The following AEBP2 variants were observed in gnomAD, a reference collection of about 807,000 sequenced individuals.
AEBP2 encodes the protein AE binding protein 2.
A neutral mutation model predicts 50.8 loss-of-function variants in AEBP2; 10 were observed. The observed-to-expected ratio is 0.20, with a 90% CI of 0.12 to 0.33. The LOEUF is 0.33. Ranked by LOEUF, AEBP2 falls within the 10% of genes least tolerant of loss-of-function variation. The pLI is 1.00. For missense variants in AEBP2, 570 were observed against 688.0 expected (o/e 0.83, Z 1.92); for synonymous variants, 296 against 261.3 (o/e 1.13, Z -1.28).
intron 1 of AEBP2, among the ~76,000 whole-genome samples, chr12:19,404,370 C>T (rs2095734939): frequency 6.6e-6 from 1 of 152,194 alleles, no homozygotes; most frequent in African/African-American, 2.4e-5. Flanking sequence ...GCCTGGGTTG[C>T]CCAGCTCTTT....
At chr12:19,461,311 A>AT (rs577426439) in intron 1 of AEBP2, among the ~76,000 whole-genome samples, 32 of 152,320 alleles carry the variant, frequency 2.1e-4, no homozygotes, top group Admixed American at 7.2e-4. Context: ...AAAAAAGAAA[A>AT]TAAGTGAATT....
chr12:19,485,736 C>T (rs1948798800), intron 3 of AEBP2, among the ~76,000 whole-genome samples: 1 of 149,654 alleles, frequency 6.7e-6, no homozygotes, highest in Admixed American at 6.7e-5. Flanking sequence ...AAAAGCAGGC[C>T]TCTATACTCA....
chr12:19,478,230 G>C (rs1398634570), intron 3 of AEBP2, among the ~76,000 whole-genome samples: 2 of 152,062 alleles, frequency 1.3e-5, no homozygotes, highest in Admixed American at 6.6e-5. Context: ...TTTGGGTTTT[G>C]TTTGTTCTTT....
chr12:19,462,376 A>G (rs1015031761), intron 1 of AEBP2, 134 bp from the exon 2 acceptor site: 4 of 720,934 alleles, frequency 5.5e-6, no homozygotes, highest in Admixed American at 2.9e-5. Context: ...TTGTTTTCTC[A>G]TGGAGAATAT....
chr12:19,446,393 C>G (rs1444500612), intron 1 of AEBP2, among the ~76,000 whole-genome samples: 1 of 152,104 alleles, frequency 6.6e-6, no homozygotes, highest in South Asian at 2.1e-4. Flanking sequence ...GGGAGGATCC[C>G]TTGAGCCTAG....
At chr12:19,409,484 C>T (rs2095738149) in intron 1 of AEBP2, among the ~76,000 whole-genome samples, 1 of 152,074 alleles carries the variant, frequency 6.6e-6, no homozygotes, top group Non-Finnish European at 1.5e-5. Flanking sequence ...AAATGGCTTC[C>T]ACATTCCACA....
At chr12:19,513,300 G>A (rs528541868) in intron 6 of AEBP2, among the ~76,000 whole-genome samples, 38 of 149,992 alleles carry the variant, frequency 2.5e-4, no homozygotes, top group African/African-American at 8.3e-4. Flanking sequence ...CCCATTTAGA[G>A]CTTAGTTCAT....
intron 5 of AEBP2, 85 bp downstream of exon 5, chr12:19,500,306 TAAGA>T (rs1949048950): frequency 8.1e-7 from 1 of 1,237,708 alleles, no homozygotes; most frequent in Admixed American, 3.7e-5. Flanking sequence ...TCTCAAAATC[TAAGA>T]AAGTACAATT....
At chr12:19,473,854 T>G (rs1948609539) in intron 3 of AEBP2, among the ~76,000 whole-genome samples, 1 of 152,208 alleles carries the variant, frequency 6.6e-6, no homozygotes, top group Non-Finnish European at 1.5e-5. Context: ...AAAGCTCATT[T>G]GATCAATTTT....
At chr12:19,473,855 G>C (rs1682482240) in intron 3 of AEBP2, among the ~76,000 whole-genome samples, 1 of 152,130 alleles carries the variant, frequency 6.6e-6, no homozygotes, top group Non-Finnish European at 1.5e-5. Context: ...AAGCTCATTT[G>C]ATCAATTTTT....
rs1949367332 is a variant in AEBP2, at chr12:19,519,379, T to C, written c.*1262T>C. 1 of 152,590 alleles carries C rather than the reference T, an allele frequency of 6.6e-6. No individual in the cohort carries two copies. 9.5% of individuals were successfully genotyped at this position (152,590 alleles called of 1,614,324 possible). ...TAAAAGCACCTTCTTTAACAATAAA[T>C]GTCTTTCACAGACTTAAGGGACTAT... On this transcript the variant is annotated 3_prime_UTR_variant, in exon 8 of 8. Transcript: ENST00000266508.
At chr12:19,476,461 A>G (rs1222780651) in intron 3 of AEBP2, among the ~76,000 whole-genome samples, 2 of 151,742 alleles carry the variant, frequency 1.3e-5, no homozygotes, top group Non-Finnish European at 2.9e-5. Flanking sequence ...CCCGCCTCAG[A>G]CTCCCGAGTA....
At chr12:19,419,956 C>T (rs945141874) in intron 1 of AEBP2, among the ~76,000 whole-genome samples, 9 of 151,544 alleles carry the variant, frequency 5.9e-5, no homozygotes, top group African/African-American at 1.5e-4. Context: ...ATCCTTGGTA[C>T]GGTATCTATA....
intron 3 of AEBP2, among the ~76,000 whole-genome samples, chr12:19,483,912 A>T (rs1948767634): frequency 2.0e-5 from 3 of 148,688 alleles, no homozygotes; most frequent in Admixed American, 2.0e-4. Context: ...AACATTGCTA[A>T]TTTTGATAAC....
intron 1 of AEBP2, among the ~76,000 whole-genome samples, chr12:19,409,113 A>G (rs1328058326): frequency 6.6e-6 from 1 of 152,176 alleles, no homozygotes; most frequent in Non-Finnish European, 1.5e-5. Flanking sequence ...CAACTTGACT[A>G]CAAAAGCTTG....
intron 1 of AEBP2, chr12:19,440,600 T>G: frequency 1.4e-6 from 2 of 1,466,892 alleles, no homozygotes; most frequent in South Asian, 1.3e-5. Flanking sequence ...TTCCCCGCCC[T>G]CTTTCCCCTC....
chr12:19,412,480 A>G (rs961309275), intron 1 of AEBP2, among the ~76,000 whole-genome samples: 1 of 151,936 alleles, frequency 6.6e-6, no homozygotes, highest in Non-Finnish European at 1.5e-5. Context: ...GGGTTTCACC[A>G]TGTTGGCCAG....
chr12:19,483,010 C>T (rs544744100), intron 3 of AEBP2, among the ~76,000 whole-genome samples: 1 of 152,184 alleles, frequency 6.6e-6, no homozygotes, highest in African/African-American at 2.4e-5. Flanking sequence ...CTCGCCCCTC[C>T]CCGTCTGCCT....
chr12:19,501,647 AATT>A (rs111389156), intron 5 of AEBP2, among the ~76,000 whole-genome samples: 27,112 of 122,022 alleles, frequency 0.22, 2,498 homozygotes, highest in South Asian at 0.36. Context: ...GAAAAAAAAA[AATT>A]ATATATACAC....
Sources: gnomAD v4.1 joint callset for allele counts (sites outside exome capture counted in the v4.1 genomes callset) on GRCh38, gnomAD v4.1.1 for gene constraint, MANE v1.5 for transcripts, NCBI Gene and HGNC (gene_info 2026-07-23, HGNC 2026-07-21) for gene names.